Variants in GK observed in about 807,000 individuals in gnomAD.
GK encodes ATP:glycerol 3-phosphotransferase.
Under a neutral mutation model 56.4 loss-of-function variants are expected in GK, and 9 were observed. The observed-to-expected ratio is 0.16, with a 90% confidence interval of 0.10 to 0.28. The LOEUF (loss-of-function observed/expected upper bound fraction) is 0.28. GK is among the 10% of genes least tolerant of loss of function. The pLI is 1.00. For synonymous variants in GK, 104 were observed against 144.1 expected (o/e 0.72, Z 1.99); for missense variants, 161 against 431.4 (o/e 0.37, Z 5.55).
rs1931982300 is a variant in GK, at chrX:30,653,435, C to T, written c.-103C>T. On this transcript the variant is annotated 5_prime_UTR_variant, in exon 1 of 21. The change creates a new upstream start codon in the 5' untranslated region. Coordinates refer to ENST00000427190, the MANE Select transcript of GK (RefSeq NM_001205019.2). ...GAGCGCGGTCCGAGCGTTCAGCGGA[C>T]GCGCGCGGCCTCGATCTCTGGACTC... is the stretch of plus-strand genomic sequence containing the variant. The T allele has an allele frequency of 1.8e-5, 13 of 710,244 alleles. No individual in the cohort carries two copies. In the Admixed American group the frequency reaches 2.0e-4, roughly 11 times the overall value. The allele number at this position is 710,244 out of a possible 1,213,427, so 58.5% of individuals were successfully genotyped here. A position where few individuals can be genotyped will look rare whatever the true frequency, so the allele number is the denominator to read the frequency against.
chrX:30,695,766 A>AT (rs1279441008), intron 6 of GK, among the ~76,000 whole-genome samples: 1 of 112,232 alleles, frequency 8.9e-6, no homozygotes, highest in Non-Finnish European at 1.9e-5. Flanking sequence ...AACAAAACCG[A>AT]TTTTTTATTT....
At chrX:30,727,623 T>C in intron 20 of GK, 71 bp downstream of exon 20, 1 of 632,546 alleles carries the variant, frequency 1.6e-6, no homozygotes, top group South Asian at 2.4e-5. Context: ...TTAGCAGAAA[T>C]TTTTCAGTGT....
In GK at chrX:30,700,832, T is replaced by G; in HGVS notation, c.784-6T>G. 1 of 1,158,073 alleles carries G rather than the reference T, an allele frequency of 8.6e-7. No individual in the cohort carries two copies. The highest frequency in any genetic ancestry group is 1.2e-6 in the Non-Finnish European group (1 of 846,233). On this transcript the variant is annotated splice_region_variant and splice_polypyrimidine_tract_variant and intron_variant, in intron 10 of 20. Coordinates refer to ENST00000427190, the MANE Select transcript of GK (RefSeq NM_001205019.2). ...CAGTGTTCTTTATTGTCATTTATAC[T>G]TTCAGTGTTTAGGGGACCAGTCTGC...
At chrX:30,660,669 C>G (rs775695458) in intron 1 of GK, among the ~76,000 whole-genome samples, 9 of 110,261 alleles carry the variant, frequency 8.2e-5, no homozygotes. Flanking sequence ...GTGGGCAGGG[C>G]TGGAGCTCGA....
rs1166251352 is a variant in GK, at chrX:30,653,513, C to A, written c.-25C>A. 1 of 1,199,233 alleles carries A rather than the reference C, an allele frequency of 8.3e-7. No individual in the cohort carries two copies. Among genetic ancestry groups the A allele is most frequent in the Non-Finnish European group, 1.1e-6 (1 of 883,861 alleles). On this transcript the variant is annotated 5_prime_UTR_variant, in exon 1 of 21. Transcript: ENST00000427190. ...CGTCACCCAGGAAACCGGCCGCAAT[C>A]GCCGGCCGACCTGAAGCTGGTTTCA...
chrX:30,724,026 GATC>G, intron 18 of GK, 72 bp from the exon 19 acceptor site: 1 of 620,973 alleles, frequency 1.6e-6, no homozygotes, highest in Non-Finnish European at 2.7e-6. Flanking sequence ...AATGTTGAGT[GATC>G]ATAAGTATGG....
At chrX:30,728,543 G>A (rs775197027) in intron 20 of GK, among the ~76,000 whole-genome samples, 189 bp from the exon 21 acceptor site, 1 of 111,994 alleles carries the variant, frequency 8.9e-6, no homozygotes, top group East Asian at 2.8e-4. Flanking sequence ...CTTGGTAAAC[G>A]ATTAGCAACA....
intron 4 of GK, among the ~76,000 whole-genome samples, chrX:30,688,941 G>A (rs181749184): frequency 8.9e-6 from 1 of 112,200 alleles, no homozygotes; most frequent in East Asian, 2.8e-4. Flanking sequence ...ATTTGTTCAT[G>A]CCCCTTGGTA....
intron 3 of GK, among the ~76,000 whole-genome samples, chrX:30,670,419 C>T (rs768562213): frequency 1.6e-4 from 18 of 111,079 alleles, no homozygotes; most frequent in African/African-American, 4.6e-4. Context: ...ATTTGTCTTC[C>T]GTTTGCACTA....
intron 11 of GK, among the ~76,000 whole-genome samples, 180 bp downstream of exon 11, chrX:30,701,085 T>C (rs1314179001): frequency 8.9e-6 from 1 of 112,343 alleles, no homozygotes. Context: ...CAAAATGCCA[T>C]ATATATGCAC....
Position 30,724,389 on chromosome X carries a change from A to T in GK, c.1582+208A>T, listed in dbSNP as rs184916056. Among the ~76,000 whole-genome samples the T allele has an allele frequency of 4.4e-4, 49 of 111,890 alleles. 1 individual carries two copies. Among genetic ancestry groups the T allele is most frequent in the African/African-American group, 1.5e-3 (45 of 30,815 alleles). On this transcript the variant is annotated intron_variant, in intron 19 of 20. Coordinates refer to ENST00000427190, the MANE Select transcript of GK (RefSeq NM_001205019.2). ...ATACATACTTTAACTTTATCCTGCC[A>T]TATCTTTCCTTATTAGTTTATTCTT...
At chrX:30,696,351 T>A (rs751443899) in intron 7 of GK, among the ~76,000 whole-genome samples, 200 bp downstream of exon 7, 16 of 112,299 alleles carry the variant, frequency 1.4e-4, no homozygotes, top group Non-Finnish European at 2.8e-4. Flanking sequence ...TAATTATTCT[T>A]CACGGAAGTT....
chrX:30,666,039 A>G (rs1200899479), intron 2 of GK, among the ~76,000 whole-genome samples: 1 of 112,147 alleles, frequency 8.9e-6, no homozygotes, highest in Non-Finnish European at 1.9e-5. Context: ...GATGTTAAGT[A>G]TATTATTTAA....
rs765016995 is a variant in GK at position 30,653,518 on chromosome X, G to A, written c.-20G>A. The A allele has an allele frequency of 1.7e-6, 2 of 1,205,991 alleles. No homozygotes were observed. Among genetic ancestry groups the A allele is most frequent in the Admixed American group, 4.3e-5 (2 of 46,125 alleles). On this transcript the variant is annotated 5_prime_UTR_variant, in exon 1 of 21. Transcript: ENST00000427190. ...CCCAGGAAACCGGCCGCAATCGCCG[G>A]CCGACCTGAAGCTGGTTTCATGGCA...
intron 8 of GK, 57 bp from the exon 9 acceptor site, chrX:30,697,675 C>T: frequency 1.2e-6 from 1 of 856,737 alleles, no homozygotes; most frequent in Non-Finnish European, 1.7e-6. Flanking sequence ...GCCTAGTTTT[C>T]TCTTGTATTT....
chrX:30,722,892 G>A (rs1441953876), intron 18 of GK, among the ~76,000 whole-genome samples: 10 of 111,136 alleles, frequency 9.0e-5, no homozygotes, highest in Non-Finnish European at 7.5e-5. Context: ...AGTCTGGGAG[G>A]CTTGAGAGAA....
At chrX:30,691,715 G>T (rs1443616616) in intron 5 of GK, among the ~76,000 whole-genome samples, 1 of 109,676 alleles carries the variant, frequency 9.1e-6, no homozygotes, top group East Asian at 2.9e-4. Flanking sequence ...CTCATGATCC[G>T]CCCACTTCGG....
chrX:30,719,538 GC>G, intron 15 of GK, 23 bp downstream of exon 15: 1 of 886,503 alleles, frequency 1.1e-6, no homozygotes, highest in Non-Finnish European at 1.7e-6. Context: ...AATATGGAGT[GC>G]TTTTGGGGAT....
Position 30,719,475 on chromosome X carries a change from T to C in GK, c.1111T>C (p.Ser371Pro). The C allele has an allele frequency of 8.4e-7, 1 of 1,193,017 alleles. No homozygotes were observed. The highest frequency in any genetic ancestry group is 1.1e-6 in the Non-Finnish European group (1 of 878,502). The change falls in exon 15 of 21, where the codon TCG becomes CCG. Residue 371 changes from serine (S) to proline (P), a missense_variant. Physicochemically the swap from Ser to Pro is moderately conservative, Grantham distance 74 (BLOSUM62 -1). Transcript: ENST00000427190. The stretch of plus-strand genomic sequence containing the variant: ...TGGCTGCTACTTCGTCCCAGCATTT[T>C]CGGGGTTATATGCACCTTATTGGGA... ...SYGCYFVPAF[S>P]GLYAPYWEPS...
Sources: gnomAD v4.1 joint callset for allele counts (sites outside exome capture counted in the v4.1 genomes callset) on GRCh38, gnomAD v4.1.1 for gene constraint, MANE v1.5 for transcripts, NCBI Gene and HGNC (gene_info 2026-07-23, HGNC 2026-07-21) for gene names.